ERO1B: variants seen among roughly 807,000 people sequenced by gnomAD.
ERO1B encodes endoplasmic reticulum oxidoreductase 1 beta.
In ERO1B, 49 loss-of-function variants were observed where a neutral mutation model predicts 75.3. The observed-to-expected ratio is 0.65, with a 90% CI of 0.52 to 0.83. The LOEUF is 0.83. Ranked by LOEUF, ERO1B falls within the 40% of genes least tolerant of loss-of-function variation. The pLI, the probability that ERO1B is intolerant of heterozygous loss-of-function variation, is 0.00. For synonymous variants in ERO1B, 191 were observed against 192.9 expected, an observed-to-expected ratio of 0.99 and a Z score of 0.08; for missense variants, 512 against 560.1, an observed-to-expected ratio of 0.91 and a Z score of 0.87.
chr1:236,253,025 A>T (rs1241674629), intron 3 of ERO1B, among the ~76,000 whole-genome samples: 1 of 152,058 alleles, frequency 6.6e-6, no homozygotes, highest in Non-Finnish European at 1.5e-5. Context: ...AAATTTCCCC[A>T]ATTAAATCAC....
chr1:236,219,647 A>C (rs191736522), intron 15 of ERO1B, among the ~76,000 whole-genome samples: 1 of 152,166 alleles, frequency 6.6e-6, no homozygotes, highest in Non-Finnish European at 1.5e-5. Flanking sequence ...TGGATAGTCT[A>C]TATCTATCCT....
chr1:236,221,430 A>G (rs1664138885), intron 14 of ERO1B, among the ~76,000 whole-genome samples: 1 of 152,174 alleles, frequency 6.6e-6, no homozygotes, highest in South Asian at 2.1e-4. Context: ...ATAAGTTACC[A>G]TCTTTGTTAG....
chr1:236,230,147 T>A, intron 10 of ERO1B, 77 bp downstream of exon 10: 1 of 1,218,272 alleles, frequency 8.2e-7, no homozygotes, highest in South Asian at 1.3e-5. Flanking sequence ...AATAAAATCC[T>A]AGACCTTACA....
intron 2 of ERO1B, among the ~76,000 whole-genome samples, chr1:236,254,826 T>C (rs1665121650): frequency 6.6e-6 from 1 of 152,106 alleles, no homozygotes; most frequent in South Asian, 2.1e-4. Flanking sequence ...TTGGCCAGGC[T>C]GGTTTCGAAC....
chr1:236,242,911 T>C (rs1439660625), intron 6 of ERO1B, among the ~76,000 whole-genome samples: 1 of 152,184 alleles, frequency 6.6e-6, no homozygotes, highest in Non-Finnish European at 1.5e-5. Flanking sequence ...GAAAAAGGGC[T>C]GTGGAGAAGT....
At position 236,232,771 on chromosome 1, in the gene ERO1B, G is replaced by A. The variant is rs1157024843; in HGVS notation, c.685+57C>T. ...TTCCATAAAGGAAAAATCAAATTCT[G>A]ATTGTTACAAAAAATTTCCTCCACA... On this transcript the variant is annotated intron_variant, in intron 9 of 15. Transcript: ENST00000354619. The A allele has an allele frequency of 4.1e-5, 63 of 1,526,646 alleles. No homozygotes were observed. The East Asian group carries it at 1.4e-3, about 35-fold the overall frequency. 94.6% of individuals were successfully genotyped at this position (1,526,646 alleles called of 1,614,324 possible).
chr1:236,219,073 AAAAG>A (rs2102936067), intron 15 of ERO1B, among the ~76,000 whole-genome samples: 1 of 152,318 alleles, frequency 6.6e-6, no homozygotes, highest in South Asian at 2.1e-4. Context: ...GCCCAGGCCA[AAAAG>A]TAAAACTCTG....
intron 1 of ERO1B, among the ~76,000 whole-genome samples, chr1:236,275,396 T>C (rs1665689611): frequency 1.3e-5 from 2 of 152,200 alleles, no homozygotes; most frequent in Admixed American, 1.3e-4. Flanking sequence ...CTTACAGTTA[T>C]CAATTATAAA....
chr1:236,222,364 C>T (rs1401542425), intron 13 of ERO1B, among the ~76,000 whole-genome samples: 3 of 152,192 alleles, frequency 2.0e-5, no homozygotes, highest in African/African-American at 7.2e-5. Context: ...CTGCCCACCT[C>T]GACCTCCCAA....
intron 1 of ERO1B, among the ~76,000 whole-genome samples, chr1:236,280,403 T>A (rs904566551): frequency 2.6e-5 from 4 of 152,200 alleles, no homozygotes; most frequent in Non-Finnish European, 5.9e-5. Context: ...CATCTCAGTG[T>A]TTTCCAAGTG....
At position 236,249,880 on chromosome 1, in the gene ERO1B, C is replaced by A. The variant is rs1293692475; in HGVS notation, c.431+5G>T. On this transcript the variant is annotated splice_donor_5th_base_variant and intron_variant, in intron 5 of 15. Coordinates refer to ENST00000354619, the MANE Select transcript of ERO1B (RefSeq NM_019891.4). ...TTTTCTTAATATTACCAAAATAAAA[C>A]TTGCCTTAATGTGCTGTTAATTGCT... 1 of 1,559,322 alleles carries A rather than the reference C, an allele frequency of 6.4e-7. No individual in the cohort carries two copies. Among genetic ancestry groups the A allele is most frequent in the African/African-American group, 1.4e-5 (1 of 72,712 alleles).
rs1303540892 is a variant in ERO1B at position 236,280,376 on chromosome 1, A to T, written c.102+1306T>A. Among the ~76,000 whole-genome samples, 3 of 152,212 alleles carry T rather than the reference A, an allele frequency of 2.0e-5. No individual in the cohort carries two copies. The East Asian group carries it at 5.8e-4, about 29-fold the overall frequency. ...AATTTACTTTAGTAAGTCTGCCCAG[A>T]TTACCACTATCTATTCCATCTCAGT... On this transcript the variant is annotated intron_variant, in intron 1 of 15. Transcript: ENST00000354619.
At position 236,226,367 on chromosome 1, in the gene ERO1B, A is replaced by G; in HGVS notation, c.954T>C (p.Ala318=). Residue 318 remains alanine (A), a synonymous_variant, in exon 12 of 16, where the codon GCT becomes GCC. Transcript: ENST00000354619. ...LIELRALSKV[A]PYFERSIVDL... ...CGACAATTGAGCGCTCAAAATATGG[A>G]GCCACCTTTGACAAAGCTCGAAGCT... The G allele has an allele frequency of 1.2e-6, 2 of 1,614,096 alleles. No homozygotes were observed. Among genetic ancestry groups the G allele is most frequent in the Non-Finnish European group, 1.7e-6 (2 of 1,179,998 alleles).
chr1:236,274,721 G>A (rs1273069645), intron 1 of ERO1B, among the ~76,000 whole-genome samples: 1 of 148,870 alleles, frequency 6.7e-6, no homozygotes, highest in Non-Finnish European at 1.5e-5. Context: ...ACTGCTTTAA[G>A]TGCTGGGGAT....
chr1:236,244,663 C>G (rs956625751), intron 5 of ERO1B, among the ~76,000 whole-genome samples: 3 of 152,154 alleles, frequency 2.0e-5, no homozygotes, highest in Non-Finnish European at 4.4e-5. Context: ...TTTGAAGAGG[C>G]TTTGCTGATT....
chr1:236,221,708 A>G, intron 14 of ERO1B: 1 of 480,390 alleles, frequency 2.1e-6, no homozygotes. Context: ...TAGACACAAT[A>G]AAACTAAAAT....
chr1:236,254,094 G>A (rs1665104019), intron 2 of ERO1B, among the ~76,000 whole-genome samples: 1 of 152,154 alleles, frequency 6.6e-6, no homozygotes, highest in Non-Finnish European at 1.5e-5. Flanking sequence ...CAGTTGGGCT[G>A]ACGTTTAATG....
At chr1:236,277,189 A>G (rs1665727196) in intron 1 of ERO1B, among the ~76,000 whole-genome samples, 1 of 152,224 alleles carries the variant, frequency 6.6e-6, no homozygotes, top group Admixed American at 6.5e-5. Flanking sequence ...AGATCACTTG[A>G]GGTCAGGAAT....
intron 13 of ERO1B, among the ~76,000 whole-genome samples, chr1:236,222,462 T>TA (rs1269429463): frequency 6.6e-6 from 1 of 152,166 alleles, no homozygotes; most frequent in Non-Finnish European, 1.5e-5. Flanking sequence ...TTGTATACTA[T>TA]AACATGGTAC....
Sources: allele counts gnomAD v4.1 joint callset (sites outside exome capture counted in the v4.1 genomes callset), GRCh38; gene constraint gnomAD v4.1.1; transcripts MANE v1.5; gene names NCBI Gene and HGNC (gene_info 2026-07-23, HGNC 2026-07-21).